A2ML1: variants seen among roughly 807,000 people sequenced by gnomAD.
A2ML1 encodes the protein alpha-2-macroglobulin-like protein 1.
A neutral mutation model predicts 181.9 loss-of-function variants in A2ML1; 161 were observed. That is an observed-to-expected ratio of 0.89 (90% CI 0.78 to 1.01). The LOEUF is 1.01. A2ML1 is among the 50% of genes least tolerant of loss of function. The probability of loss-of-function intolerance (pLI) is 0.00; values close to 1 mark genes in which losing one functional copy is unlikely to be tolerated. For missense variants in A2ML1, 1,670 were observed against 1,768.1 expected (o/e 0.94, Z 1.00); for synonymous variants, 663 against 666.8 (o/e 0.99, Z 0.09).
In A2ML1 at chr12:8,836,472, A is replaced by C. The variant is rs1592112598; in HGVS notation, c.728+133A>C. ...TTTATGTAATTCAGAGTCATGGCTT[A>C]TCCAAGACCTTTTTTTTTTTTTTTT... On this transcript the variant is annotated intron_variant, in intron 7 of 35. Transcript: ENST00000299698. The C allele has an allele frequency of 1.1e-4, 63 of 553,454 alleles. No individual in the cohort carries two copies. The South Asian group carries it at 1.4e-3, about 12-fold the overall frequency. The allele number at this position is 553,454 out of a possible 1,614,324, so 34.3% of individuals were successfully genotyped here. A position where few individuals can be genotyped will look rare whatever the true frequency, so the allele number is the denominator to read the frequency against.
chr12:8,830,304 G>A (rs753450753), intron 4 of A2ML1, among the ~76,000 whole-genome samples: 1 of 152,054 alleles, frequency 6.6e-6, no homozygotes, highest in South Asian at 2.1e-4. Context: ...CACCCACCTC[G>A]GCCTCCCAAA....
At chr12:8,880,332 C>G (rs1415892122), downstream of A2ML1, among the ~76,000 whole-genome samples, 1 of 152,084 alleles carries the variant, frequency 6.6e-6, no homozygotes, top group Non-Finnish European at 1.5e-5. Flanking sequence ...TAGCACTGCA[C>G]TCCAGGAGCC....
At position 8,869,261 on chromosome 12, in the gene A2ML1, C is replaced by T. The variant is rs1944540789; in HGVS notation, c.4221+58C>T. On this transcript the variant is annotated intron_variant, in intron 33 of 35. Coordinates refer to ENST00000299698, the MANE Select transcript of A2ML1 (RefSeq NM_144670.6). ...ATTGCTTACGGATCTTCATGACTTC[C>T]CTTCTAATCTGTATATACGGGTGTC... 3 of 1,554,292 alleles carry T rather than the reference C, an allele frequency of 1.9e-6. No homozygotes were observed. The East Asian group carries it at 6.7e-5, about 35-fold the overall frequency.
intron 6 of A2ML1, 53 bp downstream of exon 6, chr12:8,835,719 T>C (rs1943249335): frequency 6.2e-7 from 1 of 1,605,200 alleles, no homozygotes; most frequent in Admixed American, 1.7e-5. Flanking sequence ...CATCTTAAAA[T>C]CAGCAAAGGT....
chr12:8,844,934 G>C, intron 12 of A2ML1: 4 of 1,251,544 alleles, frequency 3.2e-6, no homozygotes, highest in Non-Finnish European at 4.1e-6. Flanking sequence ...CAAGATCACC[G>C]AGTTCTGTTT....
At chr12:8,849,803 G>A in intron 17 of A2ML1, 44 bp downstream of exon 17, 6 of 1,566,752 alleles carry the variant, frequency 3.8e-6, no homozygotes, top group Non-Finnish European at 5.3e-6. Flanking sequence ...GATGTTAACA[G>A]TCCTGGAACT....
Position 8,859,344 on chromosome 12 carries a change from A to G in A2ML1, c.3264+1242A>G, listed in dbSNP as rs539632520. On this transcript the variant is annotated intron_variant, in intron 26 of 35. Coordinates refer to ENST00000299698, the MANE Select transcript of A2ML1 (RefSeq NM_144670.6). ...CATTAGTCTTCCTCTGCAGGATCTT[A>G]TTAGTCTCCCCTAAGTTTTTGTCTT... 1.7e-4 allele frequency among the ~76,000 whole-genome samples: 26 copies of G among 152,174 alleles called. No homozygotes were observed. The South Asian group carries it at 5.0e-3, about 29-fold the overall frequency.
chr12:8,847,912 G>A (rs1483026660), intron 15 of A2ML1, among the ~76,000 whole-genome samples: 8 of 152,098 alleles, frequency 5.3e-5, no homozygotes, highest in African/African-American at 1.9e-4. Flanking sequence ...GGCCGAGGCT[G>A]GCAGATCACC....
intron 18 of A2ML1, among the ~76,000 whole-genome samples, 156 bp downstream of exon 18, chr12:8,850,430 T>TA (rs1943850576): frequency 6.6e-6 from 1 of 151,760 alleles, no homozygotes; most frequent in Non-Finnish European, 1.5e-5. Context: ...ACAAAAGAAA[T>TA]TAAAAAAATA....
At chr12:8,823,041 C>T (rs1942794801) in intron 1 of A2ML1, 141 bp from the exon 2 acceptor site, 3 of 861,120 alleles carry the variant, frequency 3.5e-6, no homozygotes, top group Admixed American at 2.6e-5. Context: ...CCCTCTGCTT[C>T]TTGTAGAAAA....
At chr12:8,832,332 T>C (rs531664469) in intron 4 of A2ML1, among the ~76,000 whole-genome samples, 1 of 152,298 alleles carries the variant, frequency 6.6e-6, no homozygotes, top group African/African-American at 2.4e-5. Flanking sequence ...TTCAGACTCT[T>C]GGAGTCAGAG....
intron 22 of A2ML1, 51 bp from the exon 23 acceptor site, chr12:8,855,458 C>T (rs751912069): frequency 6.3e-7 from 1 of 1,577,194 alleles, no homozygotes; most frequent in African/African-American, 1.4e-5. Flanking sequence ...CTTGAGAACC[C>T]CTGCCATTCC....
At chr12:8,886,310 T>A (rs1028190696) in intron 7 of A2ML1, among the ~76,000 whole-genome samples, 3 of 152,204 alleles carry the variant, frequency 2.0e-5, no homozygotes, top group African/African-American at 7.2e-5. Context: ...ATCCTCAATT[T>A]CTCTCAGCAG....
intron 33 of A2ML1, among the ~76,000 whole-genome samples, chr12:8,870,748 T>C (rs1428566894): frequency 6.6e-6 from 1 of 152,136 alleles, no homozygotes; most frequent in Non-Finnish European, 1.5e-5. Flanking sequence ...GAGTGGGTTG[T>C]CCAAGTCATA....
rs181667467 is a variant in A2ML1, at chr12:8,823,469, G to A, written c.246+104G>A. On this transcript the variant is annotated intron_variant, in intron 2 of 35. Transcript: ENST00000299698. Reference sequence around the variant, plus strand: ...TATAATTTCTGTTATCTTTTGCCACGGCCTCTAAACCTATTTTTTCTCAAC... The same window carrying A: ...TATAATTTCTGTTATCTTTTGCCACAGCCTCTAAACCTATTTTTTCTCAAC... 570 of 1,341,960 alleles carry A rather than the reference G, an allele frequency of 4.2e-4. 3 individuals are homozygous for A. In the African/African-American group the frequency reaches 7.6e-3, roughly 18 times the overall value. 83.1% of individuals were successfully genotyped at this position (1,341,960 alleles called of 1,614,324 possible).
At chr12:8,827,246 A>T (rs1468891308) in intron 3 of A2ML1, among the ~76,000 whole-genome samples, 1 of 152,168 alleles carries the variant, frequency 6.6e-6, no homozygotes, top group African/African-American at 2.4e-5. Flanking sequence ...AGGCTGAGGC[A>T]GGAGAATCAC....
chr12:8,845,592 A>T, intron 13 of A2ML1, 90 bp downstream of exon 13: 1 of 1,351,438 alleles, frequency 7.4e-7, no homozygotes. Context: ...TCATGCCTGT[A>T]ATCCCAGCAC....
chr12:8,867,647 GAA>G (rs11349715), intron 29 of A2ML1, among the ~76,000 whole-genome samples, 193 bp from the exon 30 acceptor site: 3 of 138,050 alleles, frequency 2.2e-5, no homozygotes, highest in Non-Finnish European at 3.2e-5. Context: ...AACTCCATCT[GAA>G]AAAAAAAAAA....
intron 26 of A2ML1, 112 bp from the exon 27 acceptor site, chr12:8,860,769 T>C (rs1944228191): frequency 2.2e-6 from 2 of 912,104 alleles, no homozygotes; most frequent in African/African-American, 3.4e-5. Flanking sequence ...TTTTCTTTTT[T>C]CTTTTTAAAA....
Sources: gnomAD v4.1 joint callset for allele counts (sites outside exome capture counted in the v4.1 genomes callset) on GRCh38, gnomAD v4.1.1 for gene constraint, MANE v1.5 for transcripts, NCBI Gene and HGNC (gene_info 2026-07-23, HGNC 2026-07-21) for gene names.